EPRS1: variants seen among roughly 807,000 people sequenced by gnomAD.
EPRS1 encodes the protein glutamyl-prolyl-tRNA synthetase 1, also known as bifunctional glutamate/proline--tRNA ligase.
A neutral mutation model predicts 188.3 loss-of-function variants in EPRS1; 107 were observed. That is an observed-to-expected ratio of 0.57 (90% CI 0.49 to 0.67). The LOEUF (loss-of-function observed/expected upper bound fraction) is 0.67, where lower values mean the gene tolerates loss of function less well. Among genes scored for constraint, EPRS1 ranks in the 30% least tolerant of loss-of-function variants. The pLI is 0.00. For synonymous variants in EPRS1, 596 were observed against 593.1 expected (o/e 1.00, Z -0.07); for missense variants, 1,577 against 1,802.2 (o/e 0.88, Z 2.26).
At chr1:220,019,152 T>C in intron 10 of EPRS1, 73 bp from the exon 11 acceptor site, 1 of 931,004 alleles carries the variant, frequency 1.1e-6, no homozygotes, top group South Asian at 1.3e-5. Context: ...AGATACTTAA[T>C]CAATAATAAA....
chr1:220,000,308 T>C (rs149529916), intron 17 of EPRS1, among the ~76,000 whole-genome samples: 16 of 152,340 alleles, frequency 1.1e-4, no homozygotes, highest in South Asian at 6.2e-4. Flanking sequence ...TAATATATAG[T>C]AGCAATTTTC....
At chr1:219,994,640 CTT>C (rs71169424) in intron 18 of EPRS1, among the ~76,000 whole-genome samples, 15 of 109,486 alleles carry the variant, frequency 1.4e-4, no homozygotes, top group African/African-American at 3.6e-4. Flanking sequence ...GTAACTTCTT[CTT>C]TTTTTTTTTT....
rs1398526455 is a variant in EPRS1 at position 220,025,224 on chromosome 1, G to A, written c.658C>T (p.Leu220=). 6.2e-7 allele frequency: 1 copy of A among 1,610,672 alleles called. No individual in the cohort carries two copies. The highest frequency in any genetic ancestry group is 8.5e-7 in the Non-Finnish European group (1 of 1,178,090). ...AAGTTAACCTGGTAGTGCTGGTTCA[G>A]AAGAGCAGCTTTTGCATGCCCAATG... ...LHIGHAKAAL[L]NQHYQVNFKG... is the part of the protein sequence containing the mutation. The change falls in exon 7 of 32, where the codon CTG becomes TTG. Residue 220 remains leucine (L), a synonymous_variant. Transcript: ENST00000366923.
chr1:219,996,878 C>T (rs1381186218), intron 18 of EPRS1, 105 bp downstream of exon 18: 1 of 1,202,726 alleles, frequency 8.3e-7, no homozygotes, highest in African/African-American at 1.5e-5. Context: ...TTGATTATTA[C>T]ATCAAAATAT....
At chr1:220,018,800 T>G (rs912253022) in intron 11 of EPRS1, among the ~76,000 whole-genome samples, 195 bp downstream of exon 11, 12 of 149,978 alleles carry the variant, frequency 8.0e-5, no homozygotes, top group Non-Finnish European at 3.0e-5. Flanking sequence ...CATTTTCAAT[T>G]TTTCACTATT....
intron 22 of EPRS1, 81 bp from the exon 23 acceptor site, chr1:219,982,925 T>C (rs1571658831): frequency 7.7e-7 from 1 of 1,294,304 alleles, no homozygotes; most frequent in African/African-American, 1.5e-5. Context: ...AAATTTCCTC[T>C]GTTTTAATTT....
At chr1:220,013,492 AT>A (rs912367133) in intron 12 of EPRS1, among the ~76,000 whole-genome samples, 27 of 151,912 alleles carry the variant, frequency 1.8e-4, no homozygotes, top group Non-Finnish European at 4.4e-5. Flanking sequence ...AATCTAGCTT[AT>A]TTTTTTTAAA....
In EPRS1 at chr1:219,979,599, T is replaced by C. The variant is rs1660853515; in HGVS notation, c.3728A>G (p.His1243Arg). The stretch of plus-strand genomic sequence containing the variant: ...CATTTTGGAAAAATTCTGCCCTAAA[T>C]GATGTGATGTTCCTCCCTAAAATAG... The part of the protein sequence containing the change: ...GRAIQGGTSH[H>R]LGQNFSKMFE... Residue 1243 changes from histidine to arginine, a missense_variant, in exon 27 of 32, where the codon CAT becomes CGT. By Grantham distance (29) the His-to-Arg change is conservative. This residue lies in a region of EPRS1 where 3 missense variants were observed against 16.9 expected (regional missense o/e 0.18). Transcript: ENST00000366923. The C allele has an allele frequency of 1.2e-6, 2 of 1,611,924 alleles. No individual in the cohort carries two copies. Among genetic ancestry groups the C allele is most frequent in the African/African-American group, 1.3e-5 (1 of 74,868 alleles).
intron 24 of EPRS1, 115 bp downstream of exon 24, chr1:219,981,263 T>C (rs1571657496): frequency 1.6e-6 from 1 of 613,668 alleles, no homozygotes; most frequent in East Asian, 2.9e-5. Flanking sequence ...TCTTAAATAC[T>C]TCAAAAACAG....
In EPRS1 at chr1:220,001,263, G is replaced by C; in HGVS notation, c.2064-8C>G. The C allele has an allele frequency of 6.7e-7, 1 of 1,502,436 alleles. No individual in the cohort carries two copies. The highest frequency in any genetic ancestry group is 1.1e-5 in the South Asian group (1 of 88,672). The allele number at this position is 1,502,436 out of a possible 1,614,324, so 93.1% of individuals were successfully genotyped here. A position where few individuals can be genotyped will look rare whatever the true frequency, so the allele number is the denominator to read the frequency against. On this transcript the variant is annotated splice_polypyrimidine_tract_variant and splice_region_variant and intron_variant, in intron 16 of 31. Coordinates refer to ENST00000366923, the MANE Select transcript of EPRS1 (RefSeq NM_004446.3). ...TCCTTGCAACTATATGGGCTAAAAAGAAAATAAAGGGACAAAATAGTTTAT... is the reference window on the plus strand; with the variant it reads ...TCCTTGCAACTATATGGGCTAAAAACAAAATAAAGGGACAAAATAGTTTAT...
At position 219,973,263 on chromosome 1, in the gene EPRS1, C is replaced by T. The variant is rs756817237; in HGVS notation, c.4219G>A (p.Asp1407Asn). ...AETKLQAILE[D>N]IQVTLFTRAS... ...CTTGTGAAAAGGGTGACCTGGATGTCTTCCAAAATAGCTTGAAGTTTAGTC... is the reference window on the plus strand; with the variant it reads ...CTTGTGAAAAGGGTGACCTGGATGTTTTCCAAAATAGCTTGAAGTTTAGTC... Residue 1407 changes from aspartate to asparagine, a missense_variant, in exon 29 of 32, where the codon GAC (aspartate) becomes AAC (asparagine). Physicochemically the swap from Asp to Asn is conservative, Grantham distance 23 (BLOSUM62 1). Transcript: ENST00000366923. 4 of 1,612,948 alleles carry T rather than the reference C, an allele frequency of 2.5e-6. No homozygotes were observed. The highest frequency in any genetic ancestry group is 3.4e-6 in the Non-Finnish European group (4 of 1,179,662).
intron 13 of EPRS1, 41 bp from the exon 14 acceptor site, chr1:220,007,379 AC>A (rs774686373): frequency 6.3e-7 from 1 of 1,584,784 alleles, no homozygotes; most frequent in Non-Finnish European, 8.6e-7. Context: ...TGAAACAACA[AC>A]TTATTGAACC....
chr1:219,979,655 C>G, intron 26 of EPRS1, 40 bp from the exon 27 acceptor site: 1 of 1,347,170 alleles, frequency 7.4e-7, no homozygotes, highest in Non-Finnish European at 1.1e-6. Context: ...TTTTTAATAA[C>G]CTATTATGCC....
chr1:219,970,963 A>G (rs979915024), intron 30 of EPRS1, among the ~76,000 whole-genome samples: 1 of 152,170 alleles, frequency 6.6e-6, no homozygotes, highest in African/African-American at 2.4e-5. Flanking sequence ...TGAAAGCCAG[A>G]GAGATTAATT....
intron 28 of EPRS1, among the ~76,000 whole-genome samples, chr1:219,976,185 C>T (rs141540163): frequency 8.7e-4 from 133 of 152,248 alleles, no homozygotes; most frequent in African/African-American, 3.0e-3. Context: ...GATTCTATAA[C>T]CCAGTGCTTA....
At chr1:219,996,946 C>T (rs779061106) in intron 18 of EPRS1, 37 bp downstream of exon 18, 6 of 1,529,074 alleles carry the variant, frequency 3.9e-6, no homozygotes, top group Middle Eastern at 1.8e-4. Context: ...AATTCACACA[C>T]TGAAAATGTG....
intron 2 of EPRS1, among the ~76,000 whole-genome samples, chr1:220,039,928 C>T (rs1036213045): frequency 4.6e-5 from 7 of 152,108 alleles, no homozygotes; most frequent in African/African-American, 1.4e-4. Context: ...GCCAGGGGTT[C>T]GAAACTGGGC....
chr1:220,040,344 G>T, intron 1 of EPRS1, 75 bp from the exon 2 acceptor site: 1 of 1,003,256 alleles, frequency 1.0e-6, no homozygotes, highest in Non-Finnish European at 1.5e-6. Flanking sequence ...AAAGCAATCA[G>T]GATGAGTCAA....
At chr1:220,024,224 TATAAGA>T (rs777335388) in intron 8 of EPRS1, 34 bp downstream of exon 8, 8 of 1,327,516 alleles carry the variant, frequency 6.0e-6, no homozygotes, top group Middle Eastern at 1.9e-4. Flanking sequence ...AGAAGCACAA[TATAAGA>T]ATATCAATTA....
Sources: gnomAD v4.1 joint callset for allele counts (sites outside exome capture counted in the v4.1 genomes callset) on GRCh38, gnomAD v4.1.1 for gene constraint, gnomAD v4.1.1 regional missense constraint, MANE v1.5 for transcripts, NCBI Gene and HGNC (gene_info 2026-07-23, HGNC 2026-07-21) for gene names.